The following TRIM4 variants were observed in gnomAD, a reference collection of about 807,000 sequenced individuals.
TRIM4 encodes the protein tripartite motif containing 4, also known as E3 ubiquitin-protein ligase TRIM4.
Under a neutral mutation model 33.7 loss-of-function variants are expected in TRIM4, and 29 were observed. That is an observed-to-expected ratio of 0.86 (90% CI 0.64 to 1.17). TRIM4 has a LOEUF of 1.17. TRIM4 is among the 50% of genes most tolerant of loss of function. The pLI is 0.00. For missense variants in TRIM4, 554 were observed against 593.7 expected, an observed-to-expected ratio of 0.93 and a Z score of 0.69; for synonymous variants, 224 against 233.0, an observed-to-expected ratio of 0.96 and a Z score of 0.35.
At chr7:99,893,757 C>A (rs1189445328) in intron 5 of TRIM4, among the ~76,000 whole-genome samples, 1 of 152,142 alleles carries the variant, frequency 6.6e-6, no homozygotes, top group East Asian at 1.9e-4. Flanking sequence ...TTCCTCCCCT[C>A]CACTCCCATT....
At chr7:99,908,377 A>G (rs764552117) in intron 3 of TRIM4, 5 of 527,810 alleles carry the variant, frequency 9.5e-6, no homozygotes, top group Non-Finnish European at 1.7e-5. Context: ...CTTATCTCCT[A>G]TGAGCTGAGC....
rs139880372 is a variant in TRIM4 at position 99,908,681 on chromosome 7, A to G, written c.621T>C (p.Asn207=). 1.0e-3 allele frequency: 1,693 copies of G among 1,614,148 alleles called. 12 individuals are homozygous for G. In the African/African-American group the frequency reaches 0.017, roughly 16 times the overall value. Residue 207 remains asparagine (N), a synonymous_variant, in exon 3 of 6, where the codon AAT becomes AAC. Transcript: ENST00000349062. The part of the protein sequence containing the change: ...KEEEETKKKL[N]ENTLKLNQTI... ...TTTGATTGAGTTTTAACGTGTTCTC[A>G]TTCAGCTTCTTCTTCGTCTCTTCTT...
chr7:99,896,894 C>T (rs1195123139), intron 5 of TRIM4, among the ~76,000 whole-genome samples: 1 of 152,228 alleles, frequency 6.6e-6, no homozygotes, highest in Non-Finnish European at 1.5e-5. Flanking sequence ...GTTGGCCGGC[C>T]AGTCCTGACT....
intron 5 of TRIM4, among the ~76,000 whole-genome samples, chr7:99,896,100 A>G (rs1004851152): frequency 1.3e-5 from 2 of 151,976 alleles, no homozygotes; most frequent in African/African-American, 4.8e-5. Flanking sequence ...TTTCTGCCTT[A>G]TTTTTTATTA....
chr7:99,910,598 T>C (rs938056313), intron 1 of TRIM4, among the ~76,000 whole-genome samples: 17 of 152,174 alleles, frequency 1.1e-4, no homozygotes, highest in African/African-American at 3.9e-4. Context: ...TGTATTTGTA[T>C]GTGAAAGCAA....
rs187734694 is a variant in TRIM4 at position 99,903,853 on chromosome 7, C to T, written c.721-255G>A. ...CATAAACTGGCTCCTGGCTTCCTGC[C>T]GGCCTCCCCAACTAGTCTCAATCAC... is the stretch of plus-strand genomic sequence containing the variant. On this transcript the variant is annotated intron_variant, in intron 3 of 5. Coordinates refer to ENST00000349062, the MANE Select transcript of TRIM4 (RefSeq NM_033091.3). Among the ~76,000 whole-genome samples, 386 of 152,328 alleles carry T rather than the reference C, an allele frequency of 2.5e-3. 1 individual carries two copies. The highest frequency in any genetic ancestry group is 3.2e-3 in the African/African-American group (131 of 41,570).
chr7:99,895,895 A>T (rs1206719963), intron 5 of TRIM4, among the ~76,000 whole-genome samples: 1 of 151,898 alleles, frequency 6.6e-6, no homozygotes, highest in Non-Finnish European at 1.5e-5. Flanking sequence ...CTTTAAACGT[A>T]TATGGTTCTT....
chr7:99,895,951 T>A (rs1819007604), intron 5 of TRIM4, among the ~76,000 whole-genome samples: 1 of 152,120 alleles, frequency 6.6e-6, no homozygotes, highest in Admixed American at 6.5e-5. Context: ...GGTCTTATTT[T>A]TTTTTTTTAG....
chr7:99,904,016 A>T (rs1167527399), intron 3 of TRIM4, among the ~76,000 whole-genome samples: 2 of 152,214 alleles, frequency 1.3e-5, no homozygotes, highest in East Asian at 3.8e-4. Flanking sequence ...GCCCAAGTCC[A>T]AAGAGATTTT....
chr7:99,893,698 T>C (rs1818947868), intron 5 of TRIM4, among the ~76,000 whole-genome samples: 1 of 152,140 alleles, frequency 6.6e-6, no homozygotes, highest in Non-Finnish European at 1.5e-5. Context: ...AGCTAGTTAG[T>C]CACCAAGTCC....
rs775388976 is a variant in TRIM4, at chr7:99,892,473, C to A, written c.1115G>T (p.Arg372Leu). Residue 372 changes from arginine to leucine, a missense_variant, in exon 6 of 6, where the codon CGG becomes CTG. This residue lies in a region of TRIM4 where 290 missense variants were observed against 335.8 expected (regional missense o/e 0.86). Transcript: ENST00000349062. ...ATCAGTAATTCCCATGACGTCCTCC[C>A]GACACACCCCAACAGCAACCTCCAG... is the stretch of plus-strand genomic sequence containing the variant. ...DSLEVAVGVC[R>L]EDVMGITDRS... 2.5e-6 allele frequency: 4 copies of A among 1,613,980 alleles called. No individual in the cohort carries two copies. In the African/African-American group the frequency reaches 5.3e-5, roughly 22 times the overall value.
intron 1 of TRIM4, among the ~76,000 whole-genome samples, chr7:99,914,695 C>T (rs1229485992): frequency 6.6e-6 from 1 of 152,238 alleles, no homozygotes; most frequent in Non-Finnish European, 1.5e-5. Flanking sequence ...CTCAGGGCCT[C>T]TTCCCACAGT....
chr7:99,918,913 A>G, intron 1 of TRIM4, 96 bp downstream of exon 1: 1 of 1,374,446 alleles, frequency 7.3e-7, no homozygotes, highest in Non-Finnish European at 9.6e-7. Context: ...TTCCAGTAGG[A>G]ATGACAGCCA....
chr7:99,905,278 T>C (rs1217338783), intron 3 of TRIM4, among the ~76,000 whole-genome samples: 1 of 152,094 alleles, frequency 6.6e-6, no homozygotes, highest in Non-Finnish European at 1.5e-5. Context: ...ACTGGAACAA[T>C]CACTTTGTAC....
chr7:99,899,575 G>C (rs959047757), intron 5 of TRIM4, among the ~76,000 whole-genome samples: 4 of 152,132 alleles, frequency 2.6e-5, no homozygotes, highest in East Asian at 3.8e-4. Flanking sequence ...CATGAGAACT[G>C]TATCATAGTA....
intron 3 of TRIM4, among the ~76,000 whole-genome samples, chr7:99,907,878 G>A (rs1584268833): frequency 6.6e-6 from 1 of 152,228 alleles, no homozygotes; most frequent in East Asian, 1.9e-4. Context: ...GGAAAGAGAG[G>A]TTCTGAGGCA....
chr7:99,907,122 T>C (rs1819324147), intron 3 of TRIM4, among the ~76,000 whole-genome samples: 1 of 152,150 alleles, frequency 6.6e-6, no homozygotes, highest in African/African-American at 2.4e-5. Context: ...TTGTTTTGTT[T>C]TGTTTTGTTT....
At chr7:99,901,854 A>C in intron 5 of TRIM4, 1 of 489,668 alleles carries the variant, frequency 2.0e-6, no homozygotes, top group Non-Finnish European at 3.6e-6. Context: ...GCTCCTCCAT[A>C]GATGGCGAGG....
chr7:99,902,030 G>A (rs900583955), intron 5 of TRIM4: 1 of 729,810 alleles, frequency 1.4e-6, no homozygotes, highest in South Asian at 1.4e-5. Flanking sequence ...ACTCCCTCAG[G>A]CAGAGGGTAG....
Sources: allele counts gnomAD v4.1 joint callset (sites outside exome capture counted in the v4.1 genomes callset), GRCh38; gene constraint gnomAD v4.1.1; regional missense constraint gnomAD v4.1.1; transcripts MANE v1.5; gene names NCBI Gene and HGNC (gene_info 2026-07-23, HGNC 2026-07-21).